Variants in ZNF248 observed in about 807,000 individuals in gnomAD.
The protein encoded by ZNF248 is zinc finger protein 248, also known as KRAB protein domain.
Under a neutral mutation model 44.3 loss-of-function variants are expected in ZNF248, and 20 were observed. That is an observed-to-expected ratio of 0.45 (90% CI 0.32 to 0.66). ZNF248 has a LOEUF of 0.66. Ranked by LOEUF, ZNF248 falls within the 30% of genes least tolerant of loss-of-function variation. The pLI, the probability that ZNF248 is intolerant of heterozygous loss-of-function variation, is 0.04. For missense variants in ZNF248, 654 were observed against 677.0 expected (o/e 0.97, Z 0.38); for synonymous variants, 224 against 229.0 (o/e 0.98, Z 0.20).
intron 6 of ZNF248, among the ~76,000 whole-genome samples, chr10:37,804,921 A>G (rs2050348705): frequency 6.6e-6 from 1 of 152,202 alleles, no homozygotes; most frequent in African/African-American, 2.4e-5. Flanking sequence ...TTTATTTTGT[A>G]TATCAGCTTA....
intron 6 of ZNF248, among the ~76,000 whole-genome samples, chr10:37,786,521 T>C (rs1192155311): frequency 6.6e-6 from 1 of 152,208 alleles, no homozygotes; most frequent in Non-Finnish European, 1.5e-5. Flanking sequence ...ATGCATTATA[T>C]GACTATATAA....
the ZNF248 span, among the ~76,000 whole-genome samples, chr10:37,760,797 G>T: frequency 6.6e-6 from 1 of 152,136 alleles, no homozygotes; most frequent in Non-Finnish European, 1.5e-5. Context: ...TCATGCCATT[G>T]CAGTCCAGCT....
intron 6 of ZNF248, among the ~76,000 whole-genome samples, chr10:37,816,032 G>C (rs2052404100): frequency 6.6e-6 from 1 of 151,804 alleles, no homozygotes; most frequent in Admixed American, 6.6e-5. Context: ...AAATGAAGGG[G>C]AAAGCACGAA....
chr10:37,831,319 A>T lies in ZNF248; in HGVS notation c.*296T>A. On this transcript the variant is annotated 3_prime_UTR_variant, in exon 6 of 6. Coordinates refer to ENST00000395867, the MANE Select transcript of ZNF248 (RefSeq NM_021045.3). ...TTATAAGCTTCAGATTCCACTGTGAATATGGGTATAAATAAATATTGTCCA... is the reference window on the plus strand; with the variant it reads ...TTATAAGCTTCAGATTCCACTGTGATTATGGGTATAAATAAATATTGTCCA... The T allele has an allele frequency of 1.3e-6, 2 of 1,549,568 alleles. No homozygotes were observed. The highest frequency in any genetic ancestry group is 1.7e-6 in the Non-Finnish European group (2 of 1,146,188).
intron 6 of ZNF248, among the ~76,000 whole-genome samples, chr10:37,792,567 C>T (rs746692196): frequency 2.0e-5 from 3 of 152,062 alleles, no homozygotes; most frequent in Admixed American, 6.6e-5. Flanking sequence ...GGTGAGAAAC[C>T]AGACAGACAC....
chr10:37,768,433 G>T, the ZNF248 span, among the ~76,000 whole-genome samples: 1 of 152,166 alleles, frequency 6.6e-6, no homozygotes, highest in East Asian at 1.9e-4. Context: ...CTCAGACCAC[G>T]GTGTGATCAA....
intron 6 of ZNF248, among the ~76,000 whole-genome samples, chr10:37,790,369 T>C (rs1203583943): frequency 6.6e-6 from 1 of 151,242 alleles, no homozygotes; most frequent in African/African-American, 2.4e-5. Context: ...CGCTTGAGCC[T>C]GGGAGTTCAA....
the ZNF248 span, among the ~76,000 whole-genome samples, chr10:37,759,494 G>A: frequency 6.6e-6 from 1 of 152,180 alleles, no homozygotes; most frequent in Non-Finnish European, 1.5e-5. Flanking sequence ...CAGGGGATGT[G>A]TTCCAGAGCT....
chr10:37,767,259 AG>A, the ZNF248 span, among the ~76,000 whole-genome samples: 26 of 152,272 alleles, frequency 1.7e-4, no homozygotes, highest in African/African-American at 6.3e-4. Flanking sequence ...GTTCAGATTC[AG>A]GAAATATAGA....
chr10:37,833,644 T>C (rs1348719329), intron 5 of ZNF248, among the ~76,000 whole-genome samples: 1 of 152,108 alleles, frequency 6.6e-6, no homozygotes, highest in Non-Finnish European at 1.5e-5. Flanking sequence ...AGCAAGAAAA[T>C]TAACATTCTG....
chr10:37,820,664 C>G lies in ZNF248; in HGVS notation c.330+12361G>C. 2.1e-6 allele frequency: 3 copies of G among 1,436,770 alleles called. No individual in the cohort carries two copies. In the South Asian group the frequency reaches 3.4e-5, roughly 16 times the overall value. 89.0% of individuals were successfully genotyped at this position (1,436,770 alleles called of 1,614,324 possible). On this transcript the variant is annotated intron_variant, in intron 6 of 6. Transcript: ENST00000615949. ...TGGTTCGGCTTTTCTTTTCCACTTT[C>G]GCTGGTCATTCTGCTTTTTCTCGGG...
chr10:37,817,032 C>T, intron 6 of ZNF248, among the ~76,000 whole-genome samples: 1 of 152,076 alleles, frequency 6.6e-6, no homozygotes, highest in Non-Finnish European at 1.5e-5. Flanking sequence ...GGGATTTCTC[C>T]TCAGCTGTAC....
chr10:37,826,065 G>C (rs2054336589), downstream of ZNF248, among the ~76,000 whole-genome samples: 1 of 152,156 alleles, frequency 6.6e-6, no homozygotes, highest in Non-Finnish European at 1.5e-5. Context: ...ATCCAGCAGA[G>C]AAATTTTAAG....
At chr10:37,777,152 A>T (rs990449063) in intron 6 of ZNF248, among the ~76,000 whole-genome samples, 2 of 152,124 alleles carry the variant, frequency 1.3e-5, no homozygotes, top group African/African-American at 4.8e-5. Context: ...AAGTCATTCT[A>T]AGGGCTGCCT....
At chr10:37,794,109 G>A (rs1268043179) in intron 6 of ZNF248, among the ~76,000 whole-genome samples, 6 of 152,140 alleles carry the variant, frequency 3.9e-5, no homozygotes, top group Admixed American at 3.3e-4. Context: ...TATATAATGA[G>A]TTTGGTTTAT....
At chr10:37,848,988 T>C (rs2059775908) in intron 3 of ZNF248, among the ~76,000 whole-genome samples, 1 of 152,200 alleles carries the variant, frequency 6.6e-6, no homozygotes, top group East Asian at 1.9e-4. Context: ...CCAAGATGAC[T>C]AGAAATGAAT....
chr10:37,781,180 G>A (rs2047275223), intron 6 of ZNF248, among the ~76,000 whole-genome samples: 1 of 152,136 alleles, frequency 6.6e-6, no homozygotes, highest in African/African-American at 2.4e-5. Flanking sequence ...GATGTCTATG[G>A]TCTTTACCTG....
rs577593845 is a variant in ZNF248 at position 37,814,038 on chromosome 10, T to A, written c.330+18987A>T. ...TAAAGTAATAACCAAAAATGAAGGA[T>A]CTACATCTATCATTGCGCTTTTGTT... is the stretch of plus-strand genomic sequence containing the variant. On this transcript the variant is annotated intron_variant, in intron 6 of 6. Coordinates refer to the ZNF248 transcript ENST00000615949. Among the ~76,000 whole-genome samples the A allele has an allele frequency of 2.0e-4, 30 of 152,262 alleles. No homozygotes were observed. In the South Asian group the frequency reaches 5.8e-3, roughly 29 times the overall value.
Position 37,828,965 on chromosome 10 carries a change from T to C in ZNF248, c.*2650A>G, listed in dbSNP as rs149490072. ...GGAAAGCAGAACAAACAGAAACACT[T>C]AACTTGCAACTAGTAGAATAACTTT... On this transcript the variant is annotated 3_prime_UTR_variant, in exon 6 of 6. Transcript: ENST00000395867. 5.1e-5 allele frequency: 50 copies of C among 985,470 alleles called. No individual in the cohort carries two copies. In the African/African-American group the frequency reaches 7.3e-4, roughly 14 times the overall value. 61.0% of individuals were successfully genotyped at this position (985,470 alleles called of 1,614,324 possible).
Sources: allele counts gnomAD v4.1 joint callset (sites outside exome capture counted in the v4.1 genomes callset), GRCh38; gene constraint gnomAD v4.1.1; transcripts MANE v1.5; gene names NCBI Gene and HGNC (gene_info 2026-07-23, HGNC 2026-07-21).